SAMD4A: variants seen among roughly 807,000 people sequenced by gnomAD.
SAMD4A encodes the protein sterile alpha motif domain containing 4A.
A neutral mutation model predicts 81.3 loss-of-function variants in SAMD4A; 33 were observed. The observed-to-expected ratio is 0.41, with a 90% CI of 0.31 to 0.54. The LOEUF (loss-of-function observed/expected upper bound fraction) is 0.54, where lower values mean the gene tolerates loss of function less well. Ranked by LOEUF, SAMD4A falls within the 20% of genes least tolerant of loss-of-function variation. SAMD4A has a pLI of 0.37. For synonymous variants in SAMD4A, 389 were observed against 382.1 expected (o/e 1.02, Z -0.21); for missense variants, 854 against 951.1 (o/e 0.90, Z 1.34).
At chr14:54,720,886 C>T (rs1177274774) in intron 3 of SAMD4A, among the ~76,000 whole-genome samples, 2 of 152,100 alleles carry the variant, frequency 1.3e-5, no homozygotes, top group African/African-American at 2.4e-5. Flanking sequence ...CCATGTTTTC[C>T]CTTGCTATGG....
chr14:54,610,133 T>C (rs1320792114), intron 2 of SAMD4A, among the ~76,000 whole-genome samples: 3 of 152,216 alleles, frequency 2.0e-5, no homozygotes, highest in Admixed American at 6.5e-5. Context: ...ACTAGATCAC[T>C]TTCATTCTGT....
At chr14:54,782,704 T>G (rs2039029452) in intron 11 of SAMD4A, among the ~76,000 whole-genome samples, 1 of 152,258 alleles carries the variant, frequency 6.6e-6, no homozygotes, top group African/African-American at 2.4e-5. Context: ...GCCAGGCTTC[T>G]GAGATTTTTA....
chr14:54,579,080 T>C lies in SAMD4A; in HGVS notation c.196+10968T>C, dbSNP rs564598382. ...AAATGACCATATGATATTCCTTGAA[T>C]GGTAAGAGCGTCTATTCTTCTTAGC... On this transcript the variant is annotated intron_variant, in intron 2 of 12. Transcript: ENST00000554335. Among the ~76,000 whole-genome samples, 5 of 152,374 alleles carry C rather than the reference T, an allele frequency of 3.3e-5. No homozygotes were observed. In the East Asian group the frequency reaches 9.6e-4, roughly 29 times the overall value.
intron 2 of SAMD4A, among the ~76,000 whole-genome samples, chr14:54,606,210 T>TGTGTGTGTGTGTGC (rs1039478105): frequency 6.7e-6 from 1 of 150,344 alleles, no homozygotes; most frequent in African/African-American, 2.5e-5. Flanking sequence ...TGTGTGTGTG[T>TGTGTGTGTGTGTGC]GTGCGTGCAC....
chr14:54,737,453 A>G (rs368171902), intron 4 of SAMD4A, among the ~76,000 whole-genome samples, 166 bp downstream of exon 4: 4 of 151,682 alleles, frequency 2.6e-5, no homozygotes, highest in African/African-American at 4.8e-5. Flanking sequence ...CATGGCAGAA[A>G]GGGCTCAGAT....
In SAMD4A at chr14:54,655,973, G is replaced by C. The variant is rs377643672; in HGVS notation, c.197-46089G>C. Among the ~76,000 whole-genome samples the C allele has an allele frequency of 4.6e-5, 7 of 152,204 alleles. No individual in the cohort carries two copies. The South Asian group carries it at 1.5e-3, about 32-fold the overall frequency. On this transcript the variant is annotated intron_variant, in intron 2 of 12. Transcript: ENST00000554335. ...TAGGTTTGTTTTGGTGAGGAAAGGA[G>C]TTAATACATGGAAAGTGCTTAAAAT...
intron 4 of SAMD4A, among the ~76,000 whole-genome samples, chr14:54,743,590 C>A (rs1431355976): frequency 6.6e-6 from 1 of 152,252 alleles, no homozygotes; most frequent in African/African-American, 2.4e-5. Context: ...TTTAAAACAG[C>A]ACTTTCGCCT....
At chr14:54,772,864 G>A (rs1157245553) in intron 9 of SAMD4A, among the ~76,000 whole-genome samples, 7 of 150,338 alleles carry the variant, frequency 4.7e-5, no homozygotes, top group Non-Finnish European at 1.0e-4. Flanking sequence ...TCTACCTCAC[G>A]TAGTCAGATT....
chr14:54,692,370 C>T (rs767003828), intron 2 of SAMD4A, among the ~76,000 whole-genome samples: 2 of 152,166 alleles, frequency 1.3e-5, no homozygotes, highest in Non-Finnish European at 2.9e-5. Context: ...TTATACTCCT[C>T]CCAAGATACT....
chr14:54,674,571 A>G (rs1284994204), intron 2 of SAMD4A, among the ~76,000 whole-genome samples: 2 of 152,156 alleles, frequency 1.3e-5, no homozygotes, highest in East Asian at 3.9e-4. Context: ...TCTACCATGC[A>G]GGCGTTTAGT....
chr14:54,582,507 C>T (rs2033497586), intron 2 of SAMD4A, among the ~76,000 whole-genome samples: 1 of 152,184 alleles, frequency 6.6e-6, no homozygotes, highest in African/African-American at 2.4e-5. Flanking sequence ...ATCTGCACAT[C>T]ACCAGCTCAG....
At chr14:54,642,422 A>G (rs891463328) in intron 2 of SAMD4A, among the ~76,000 whole-genome samples, 2 of 152,218 alleles carry the variant, frequency 1.3e-5, no homozygotes, top group African/African-American at 4.8e-5. Flanking sequence ...CAAACCCGAC[A>G]TAAACTGCTG....
intron 6 of SAMD4A, among the ~76,000 whole-genome samples, chr14:54,758,218 A>G (rs1267167323): frequency 2.0e-5 from 3 of 152,186 alleles, no homozygotes; most frequent in Non-Finnish European, 4.4e-5. Context: ...CTTCGTGCCA[A>G]CTAGGCTAAG....
intron 2 of SAMD4A, among the ~76,000 whole-genome samples, chr14:54,700,010 C>T (rs981474439): frequency 1.3e-5 from 2 of 152,170 alleles, no homozygotes; most frequent in Non-Finnish European, 2.9e-5. Context: ...ACAGTAAACC[C>T]ATTTTCTTTT....
intron 2 of SAMD4A, among the ~76,000 whole-genome samples, chr14:54,699,602 C>T (rs966014323): frequency 2.0e-5 from 3 of 152,026 alleles, no homozygotes; most frequent in Admixed American, 2.0e-4. Context: ...GGAAAAATGG[C>T]TCATTAATGA....
chr14:54,779,365 T>C (rs189228694), intron 11 of SAMD4A, among the ~76,000 whole-genome samples: 9 of 152,376 alleles, frequency 5.9e-5, no homozygotes, highest in Admixed American at 4.6e-4. Flanking sequence ...ACTGTTATCA[T>C]ACAATGCAGT....
chr14:54,744,304 C>A (rs963535335), intron 4 of SAMD4A, among the ~76,000 whole-genome samples: 1 of 152,170 alleles, frequency 6.6e-6, no homozygotes, highest in Non-Finnish European at 1.5e-5. Context: ...GTTGATCTGA[C>A]TCAAATTTGC....
chr14:54,599,374 G>A (rs1026291025), intron 2 of SAMD4A, among the ~76,000 whole-genome samples: 5 of 152,116 alleles, frequency 3.3e-5, no homozygotes, highest in Non-Finnish European at 7.4e-5. Context: ...CTGTGGGTGC[G>A]ATCCATTATA....
At chr14:54,643,109 A>T (rs974619479) in intron 2 of SAMD4A, among the ~76,000 whole-genome samples, 33 of 152,372 alleles carry the variant, frequency 2.2e-4, no homozygotes, top group African/African-American at 7.5e-4. Context: ...GGAGGGGGAA[A>T]GTCTTTAAGA....
Sources: gnomAD v4.1 joint callset for allele counts (sites outside exome capture counted in the v4.1 genomes callset) on GRCh38, gnomAD v4.1.1 for gene constraint, MANE v1.5 for transcripts, NCBI Gene and HGNC (gene_info 2026-07-23, HGNC 2026-07-21) for gene names.